MCC: variants seen among roughly 807,000 people sequenced by gnomAD.
The protein encoded by MCC is MCC regulator of Wnt signaling pathway.
MCC carries 90 observed loss-of-function variants against 116.2 expected under a neutral mutation model. The observed-to-expected ratio is 0.77, with a 90% CI of 0.65 to 0.92. The LOEUF is 0.92. Among genes scored for constraint, MCC ranks in the 40% least tolerant of loss-of-function variants. MCC has a pLI of 0.00. For missense variants in MCC, 1,516 were observed against 1,312.2 expected, an observed-to-expected ratio of 1.16 and a Z score of -2.40; for synonymous variants, 578 against 510.5, an observed-to-expected ratio of 1.13 and a Z score of -1.78.
At chr5:113,410,171 A>G (rs1769944226) in intron 1 of MCC, among the ~76,000 whole-genome samples, 1 of 152,324 alleles carries the variant, frequency 6.6e-6, no homozygotes, top group South Asian at 2.1e-4. Flanking sequence ...AAAAAATCAT[A>G]AAAACCTTTC....
chr5:113,134,148 C>T (rs571432362), intron 5 of MCC, among the ~76,000 whole-genome samples: 1 of 152,210 alleles, frequency 6.6e-6, no homozygotes, highest in East Asian at 1.9e-4. Flanking sequence ...AATTCTTTGC[C>T]CAGACTCAAT....
chr5:113,346,757 G>C (rs1005651077), intron 2 of MCC, among the ~76,000 whole-genome samples: 4 of 152,014 alleles, frequency 2.6e-5, no homozygotes, highest in African/African-American at 9.7e-5. Flanking sequence ...ACCCAAAGAA[G>C]ACTACCTCAA....
At chr5:113,102,982 C>T (rs1351576536) in intron 7 of MCC, among the ~76,000 whole-genome samples, 3 of 152,054 alleles carry the variant, frequency 2.0e-5, no homozygotes, top group Admixed American at 2.0e-4. Flanking sequence ...GGCGTGGTGG[C>T]GCCCGCCTGT....
At chr5:113,110,690 G>A (rs983325902) in intron 6 of MCC, among the ~76,000 whole-genome samples, 6 of 152,222 alleles carry the variant, frequency 3.9e-5, no homozygotes, top group Admixed American at 3.9e-4. Context: ...ACAGGACCCA[G>A]AAGACTGGAT....
intron 1 of MCC, among the ~76,000 whole-genome samples, chr5:113,441,968 T>C (rs185957149): frequency 6.6e-6 from 1 of 152,340 alleles, no homozygotes; most frequent in African/African-American, 2.4e-5. Context: ...TGTGCATGTG[T>C]CTTTATAGAA....
chr5:113,459,160 T>TGC (rs1771669809), intron 1 of MCC, among the ~76,000 whole-genome samples: 1 of 134,802 alleles, frequency 7.4e-6, no homozygotes, highest in Non-Finnish European at 1.6e-5. Context: ...TGTGTGTGTG[T>TGC]GTGTGTGTGT....
intron 3 of MCC, among the ~76,000 whole-genome samples, chr5:113,155,120 G>T (rs1760098836): frequency 6.6e-6 from 1 of 152,094 alleles, no homozygotes; most frequent in South Asian, 2.1e-4. Flanking sequence ...CCCAGTATGA[G>T]TAAGATCATG....
chr5:113,182,988 G>A (rs1761709052), intron 3 of MCC, among the ~76,000 whole-genome samples: 1 of 152,220 alleles, frequency 6.6e-6, no homozygotes, highest in Admixed American at 6.5e-5. Context: ...TGGAGAGAAG[G>A]CATTTGAGCT....
chr5:113,256,135 T>A (rs1024695810), intron 3 of MCC, among the ~76,000 whole-genome samples: 9 of 152,198 alleles, frequency 5.9e-5, no homozygotes, highest in Non-Finnish European at 1.2e-4. Context: ...AAGGTTCTAA[T>A]TCAGAAGAAA....
intron 2 of MCC, among the ~76,000 whole-genome samples, chr5:113,363,350 T>C (rs566481195): frequency 4.6e-5 from 7 of 152,234 alleles, no homozygotes; most frequent in African/African-American, 1.4e-4. Flanking sequence ...TTTAATTGGC[T>C]CACAGTTCCA....
At chr5:113,044,409 C>T (rs980467917) in intron 16 of MCC, 1 of 788,822 alleles carries the variant, frequency 1.3e-6, no homozygotes, top group South Asian at 5.8e-5. Flanking sequence ...TGCCTGAGTG[C>T]TCTACATTCC....
At chr5:113,079,455 CAG>C (rs1422657197) in intron 11 of MCC, among the ~76,000 whole-genome samples, 7 of 152,154 alleles carry the variant, frequency 4.6e-5, no homozygotes, top group African/African-American at 1.4e-4. Flanking sequence ...GGTACCAGAA[CAG>C]AGATATAGAC....
rs1321862037 is a variant in MCC, at chr5:113,466,869, C to T, written c.170+21376G>A. 5.6e-3 allele frequency among the ~76,000 whole-genome samples: 858 copies of T among 151,984 alleles called. 6 individuals carry two copies. The highest frequency in any genetic ancestry group is 0.019 in the African/African-American group (789 of 41,370). On this transcript the variant is annotated intron_variant, in intron 1 of 18. Transcript: ENST00000408903. Reference sequence around the variant, plus strand: ...TGTTGTTTCCTGACTTTTTAATGATCGCCATTCTAACTGGTGTGAGATGGT... The same window carrying T: ...TGTTGTTTCCTGACTTTTTAATGATTGCCATTCTAACTGGTGTGAGATGGT...
intron 3 of MCC, among the ~76,000 whole-genome samples, chr5:113,189,647 C>T (rs532032555): frequency 4.5e-4 from 69 of 152,180 alleles, no homozygotes; most frequent in African/African-American, 1.5e-3. Flanking sequence ...ATCAACTGAG[C>T]GGATCAAAAT....
chr5:113,257,853 A>G (rs1403311868), intron 3 of MCC, among the ~76,000 whole-genome samples: 2 of 152,188 alleles, frequency 1.3e-5, no homozygotes, highest in African/African-American at 2.4e-5. Flanking sequence ...AGGGAGGGGA[A>G]AGCGTTCTAT....
At chr5:113,433,573 C>A (rs1352782795) in intron 1 of MCC, 44 of 923,950 alleles carry the variant, frequency 4.8e-5, no homozygotes, top group Admixed American at 8.7e-5. Context: ...CTAGGGGCCA[C>A]GGGAGAACCA....
At chr5:113,033,594 G>C (rs1041034597) in intron 17 of MCC, among the ~76,000 whole-genome samples, 1 of 152,100 alleles carries the variant, frequency 6.6e-6, no homozygotes, top group African/African-American at 2.4e-5. Context: ...ACACAAATGA[G>C]AAAGCAAAAA....
At chr5:113,055,713 C>T (rs6881477) in intron 14 of MCC, among the ~76,000 whole-genome samples, 148,867 of 152,308 alleles carry the variant, frequency 0.98, 72,763 homozygotes, top group East Asian at 1. Flanking sequence ...TAAGTTCCCA[C>T]GTCAGCTGGG....
rs370196492 is a variant in MCC, at chr5:113,322,067, G to A, written c.627+18452C>T. ...GGCTGGTCTCAAACTCCTGACCTCA[G>A]GTGATCCACCTGCCTCGGGCTCCCA... On this transcript the variant is annotated intron_variant, in intron 3 of 18. Coordinates refer to ENST00000408903, the MANE Select transcript of MCC (RefSeq NM_001085377.2). 1.8e-4 allele frequency among the ~76,000 whole-genome samples: 27 copies of A among 152,254 alleles called. 4 individuals are homozygous for A. The highest frequency in any genetic ancestry group is 7.2e-4 in the Admixed American group (11 of 15,290).
Sources: gnomAD v4.1 joint callset for allele counts (sites outside exome capture counted in the v4.1 genomes callset) on GRCh38, gnomAD v4.1.1 for gene constraint, MANE v1.5 for transcripts, NCBI Gene and HGNC (gene_info 2026-07-23, HGNC 2026-07-21) for gene names.